PCDHGA8: variants seen among roughly 807,000 people sequenced by gnomAD.
The protein encoded by PCDHGA8 is protocadherin gamma subfamily A, 8.
Under a neutral mutation model 59.2 loss-of-function variants are expected in PCDHGA8, and 45 were observed. The observed-to-expected ratio is 0.76, with a 90% confidence interval of 0.60 to 0.98. The LOEUF (loss-of-function observed/expected upper bound fraction) is 0.98. Among genes scored for constraint, PCDHGA8 ranks in the 50% least tolerant of loss-of-function variants. The probability of loss-of-function intolerance (pLI) is 0.00; values close to 1 mark genes in which losing one functional copy is unlikely to be tolerated. For missense variants in PCDHGA8, 1,257 were observed against 1,196.2 expected (o/e 1.05, Z -0.75); for synonymous variants, 531 against 519.0 (o/e 1.02, Z -0.32).
rs143509166 is a variant in PCDHGA8 at position 141,395,182 on chromosome 5, C to T, written c.2369C>T (p.Ser790Phe). The change falls in exon 1 of 4, where the codon TCT becomes TTT. Residue 790 changes from serine to phenylalanine, a missense_variant. Transcript: ENST00000398604. ...ISQEGCEKND[S>F]LLTSVDFHEY... ...CAGGAGGGCTGTGAGAAAAATGATT[C>T]TTTGTTAACATCCGTAGATTTTCAT... 141 of 1,614,114 alleles carry T rather than the reference C, an allele frequency of 8.7e-5. 2 individuals are homozygous for T. The Middle Eastern group carries it at 1.8e-3, about 21-fold the overall frequency.
At chr5:141,433,347 C>T (rs1207853986) in intron 1 of PCDHGA8, 3 of 626,596 alleles carry the variant, frequency 4.8e-6, no homozygotes, top group Non-Finnish European at 8.3e-6. Context: ...GTGCAAGCCA[C>T]CTACTGTCTG....
intron 1 of PCDHGA8, among the ~76,000 whole-genome samples, chr5:141,456,729 C>T (rs1337183677): frequency 6.6e-6 from 1 of 152,158 alleles, no homozygotes; most frequent in Non-Finnish European, 1.5e-5. Context: ...CTTTGGGAGG[C>T]TGAGGCGGGA....
chr5:141,436,087 T>C (rs927404291), intron 1 of PCDHGA8, among the ~76,000 whole-genome samples: 1 of 152,198 alleles, frequency 6.6e-6, no homozygotes, highest in Non-Finnish European at 1.5e-5. Flanking sequence ...CTATAGGTAA[T>C]ATTGAGAGAA....
At position 141,393,114 on chromosome 5, in the gene PCDHGA8, C is replaced by T. The variant is rs750579370; in HGVS notation, c.301C>T (p.Arg101Trp). 3 of 1,613,418 alleles carry T rather than the reference C, an allele frequency of 1.9e-6. No individual in the cohort carries two copies. The highest frequency in any genetic ancestry group is 8.5e-7 in the Non-Finnish European group (1 of 1,179,890). ...DREELCAQSP[R>W]CLININTLVE... ...GGAGGAGCTCTGCGCTCAGAGCCCG[C>T]GGTGTCTGATAAATATTAACACCCT... The change falls in exon 1 of 4, where the codon CGG becomes TGG. Residue 101 changes from arginine to tryptophan, a missense_variant. Arg to Trp is a moderately radical substitution (Grantham distance 101). Transcript: ENST00000398604.
chr5:141,423,759 G>C, intron 1 of PCDHGA8: 1 of 321,042 alleles, frequency 3.1e-6, no homozygotes, highest in Non-Finnish European at 4.5e-6. Flanking sequence ...TTGGGGGGGG[G>C]GTGGGGCGGC....
chr5:141,392,745 G>A lies in PCDHGA8; in HGVS notation c.-69G>A. The A allele has an allele frequency of 6.9e-7, 1 of 1,441,296 alleles. No individual in the cohort carries two copies. Among genetic ancestry groups the A allele is most frequent in the African/African-American group, 1.4e-5 (1 of 69,828 alleles). 89.3% of individuals were successfully genotyped at this position (1,441,296 alleles called of 1,614,324 possible). The stretch of plus-strand genomic sequence containing the variant: ...GGAGGATTGTCATCTCCATAGCTGC[G>A]GCAAGAAACTAAATAAGACCCATTT... On this transcript the variant is annotated 5_prime_UTR_variant, in exon 1 of 4. Transcript: ENST00000398604.
intron 1 of PCDHGA8, chr5:141,476,000 T>A (rs2099383773): frequency 1.6e-6 from 2 of 1,225,380 alleles, no homozygotes; most frequent in African/African-American, 1.5e-5. Flanking sequence ...ATCAACGGCA[T>A]CCAGAAAGCC....
chr5:141,428,794 T>C (rs2097161574), intron 1 of PCDHGA8: 1 of 152,852 alleles, frequency 6.5e-6, no homozygotes, highest in African/African-American at 2.4e-5. Context: ...CCTTTCTGTG[T>C]GGGCCAGTAA....
At chr5:141,398,396 T>A (rs1191920974) in intron 1 of PCDHGA8, 1 of 1,465,660 alleles carries the variant, frequency 6.8e-7, no homozygotes, top group South Asian at 1.2e-5. Flanking sequence ...AGCAGCAGGC[T>A]AGACAGGGAG....
At chr5:141,495,810 C>A (rs1003475681) in intron 2 of PCDHGA8, among the ~76,000 whole-genome samples, 2 of 152,088 alleles carry the variant, frequency 1.3e-5, no homozygotes, top group African/African-American at 4.8e-5. Flanking sequence ...CGTTTCCTAG[C>A]GCCTTGTGTT....
At chr5:141,407,497 G>GTTTTTTTTTTTTTTTTTTTTTTT (rs1554102286) in intron 1 of PCDHGA8, among the ~76,000 whole-genome samples, 2 of 152,088 alleles carry the variant, frequency 1.3e-5, no homozygotes, top group African/African-American at 4.8e-5. Context: ...CTTTATTTCT[G>GTTTTTTTTTTTTTTTTTTTTTTT]TTTTTCTTAG....
At chr5:141,453,959 C>A (rs919037104) in intron 1 of PCDHGA8, among the ~76,000 whole-genome samples, 1 of 152,182 alleles carries the variant, frequency 6.6e-6, no homozygotes, top group African/African-American at 2.4e-5. Flanking sequence ...GCACAGACAG[C>A]AAAGCATGTA....
chr5:141,418,985 T>C, intron 1 of PCDHGA8: 1 of 1,613,882 alleles, frequency 6.2e-7, no homozygotes, highest in Non-Finnish European at 8.5e-7. Context: ...GGACCAAGAC[T>C]CAGGGGAAAA....
At chr5:141,510,304 A>G (rs1030803209) in intron 3 of PCDHGA8, among the ~76,000 whole-genome samples, 1 of 151,732 alleles carries the variant, frequency 6.6e-6, no homozygotes, top group Non-Finnish European at 1.5e-5. Context: ...CTGTTTTGAA[A>G]TGGAGGCTTG....
Position 141,490,798 on chromosome 5 carries a change from C to A in PCDHGA8, c.2425-4009C>A. 2 of 1,613,926 alleles carry A rather than the reference C, an allele frequency of 1.2e-6. No individual in the cohort carries two copies. Among genetic ancestry groups the A allele is most frequent in the South Asian group, 2.2e-5 (2 of 91,074 alleles). ...AGAGGATGGACGGATCTTTGCCCAG[C>A]GTACCTTTGACTATGAATTGCTGCA... On this transcript the variant is annotated intron_variant, in intron 1 of 3. Transcript: ENST00000398604. This position sits in a 1 kb window ranked among gnomAD's most constrained non-coding sequence, Gnocchi z 5.4.
rs769514553 is a variant in PCDHGA8, at chr5:141,490,072, G to T, written c.2425-4735G>T. On this transcript the variant is annotated intron_variant, in intron 1 of 3. Transcript: ENST00000398604. The surrounding 1 kb of genome is among the most constrained non-coding windows in gnomAD (Gnocchi z 5.4). Reference sequence around the variant, plus strand: ...AGACGAGGGCACCAACGGCCAACTAGACTATTCTTTTGGAGACCACACATC... The same window carrying T: ...AGACGAGGGCACCAACGGCCAACTATACTATTCTTTTGGAGACCACACATC... 2 of 1,614,254 alleles carry T rather than the reference G, an allele frequency of 1.2e-6. No homozygotes were observed. Among genetic ancestry groups the T allele is most frequent in the South Asian group, 2.2e-5 (2 of 91,090 alleles).
At chr5:141,502,978 G>T (rs1004984942) in intron 2 of PCDHGA8, among the ~76,000 whole-genome samples, 1 of 150,096 alleles carries the variant, frequency 6.7e-6, no homozygotes, top group Non-Finnish European at 1.5e-5. Context: ...CAAGTAGCTG[G>T]GATTACAGGC....
chr5:141,430,315 T>C (rs185896854), intron 1 of PCDHGA8, among the ~76,000 whole-genome samples: 58 of 151,980 alleles, frequency 3.8e-4, no homozygotes, highest in African/African-American at 1.3e-3. Context: ...CATTATAAGA[T>C]TAAAATCATT....
chr5:141,424,353 T>C (rs923306479), intron 1 of PCDHGA8: 1 of 152,246 alleles, frequency 6.6e-6, no homozygotes, highest in African/African-American at 2.4e-5. Flanking sequence ...GGAGATAAAA[T>C]TTAGATCACA....
Sources: allele counts gnomAD v4.1 joint callset (sites outside exome capture counted in the v4.1 genomes callset), GRCh38; gene constraint gnomAD v4.1.1; non-coding constraint Gnocchi (gnomAD v3.1); transcripts MANE v1.5; gene names NCBI Gene and HGNC (gene_info 2026-07-23, HGNC 2026-07-21).